Variants in PDZD2 observed in about 807,000 individuals in gnomAD.
The protein encoded by PDZD2 is PDZ domain-containing protein 2.
In PDZD2, 90 loss-of-function variants were observed where a neutral mutation model predicts 220.7. That is an observed-to-expected ratio of 0.41 (90% CI 0.34 to 0.49). The LOEUF (loss-of-function observed/expected upper bound fraction) is 0.49, where lower values mean the gene tolerates loss of function less well. Ranked by LOEUF, PDZD2 falls within the 20% of genes least tolerant of loss-of-function variation. The pLI is 0.28. For missense variants in PDZD2, 3,174 were observed against 3,608.5 expected, an observed-to-expected ratio of 0.88 and a Z score of 3.08; for synonymous variants, 1,375 against 1,450.5, an observed-to-expected ratio of 0.95 and a Z score of 1.18.
intron 6 of PDZD2, among the ~76,000 whole-genome samples, chr5:32,014,241 CT>C (rs1012588971): frequency 7.9e-5 from 12 of 152,156 alleles, no homozygotes; most frequent in Non-Finnish European, 1.6e-4. Flanking sequence ...GTTTTTGCAC[CT>C]GTATGTCGTC....
chr5:31,801,611 C>T (rs1754391364), intron 2 of PDZD2, among the ~76,000 whole-genome samples: 1 of 152,154 alleles, frequency 6.6e-6, no homozygotes, highest in Non-Finnish European at 1.5e-5. Flanking sequence ...GTCAGGAGCT[C>T]CAGCTCCAGA....
chr5:31,856,881 T>G (rs150982010), intron 2 of PDZD2, among the ~76,000 whole-genome samples: 1 of 149,572 alleles, frequency 6.7e-6, no homozygotes, highest in East Asian at 2.0e-4. Context: ...ATCAGACTTA[T>G]AGCGTGAGCT....
Position 31,816,557 on chromosome 5 carries a change from C to CTT in PDZD2, c.476+16841_476+16842dup, listed in dbSNP as rs976134625. Among the ~76,000 whole-genome samples the CTT allele has an allele frequency of 1.7e-4, 25 of 151,090 alleles. 1 individual carries two copies. The highest frequency in any genetic ancestry group is 5.8e-4 in the African/African-American group (24 of 41,260). ...ATGTTTCCATAGTGATATGACTTTT[C>CTT]TTTTTTTTTACAAAAATGTTAACAT... On this transcript the variant is annotated intron_variant, in intron 2 of 24. Transcript: ENST00000438447.
chr5:32,072,008 C>G (rs981742906), intron 16 of PDZD2, among the ~76,000 whole-genome samples, 153 bp from the exon 17 acceptor site: 4 of 152,192 alleles, frequency 2.6e-5, no homozygotes, highest in African/African-American at 9.7e-5. Flanking sequence ...TTTAGCCGTT[C>G]TGAGGTACAT....
At chr5:31,714,352 T>A (rs1358559080) in intron 1 of PDZD2, among the ~76,000 whole-genome samples, 2 of 152,202 alleles carry the variant, frequency 1.3e-5, no homozygotes, top group African/African-American at 4.8e-5. Context: ...TCCGCTTGTG[T>A]CTCGGCTTCC....
intron 18 of PDZD2, among the ~76,000 whole-genome samples, chr5:32,076,684 T>G (rs1561520549): frequency 1.3e-5 from 2 of 152,192 alleles, no homozygotes; most frequent in Non-Finnish European, 2.9e-5. Context: ...CAATGGCACT[T>G]AGTACATTCA....
At chr5:31,928,556 A>G (rs1467273288) in intron 2 of PDZD2, among the ~76,000 whole-genome samples, 1 of 151,958 alleles carries the variant, frequency 6.6e-6, no homozygotes, top group African/African-American at 2.4e-5. Context: ...GCTCACTGCA[A>G]CCTCCGCCTC....
At position 32,101,094 on chromosome 5, in the gene PDZD2, T is replaced by C; in HGVS notation, c.8219-11T>C. 6.2e-7 allele frequency: 1 copy of C among 1,614,110 alleles called. No individual in the cohort carries two copies. The highest frequency in any genetic ancestry group is 1.1e-5 in the South Asian group (1 of 91,076). ...CTGTCATTTTCATCTTGGTGCACGC[T>C]GCGGCTGCAGGGAGAAGTGTGGCTG... On this transcript the variant is annotated splice_polypyrimidine_tract_variant and intron_variant, in intron 23 of 24. Transcript: ENST00000438447.
intron 1 of PDZD2, among the ~76,000 whole-genome samples, chr5:31,757,407 C>T (rs758631816): frequency 1.3e-5 from 2 of 152,166 alleles, no homozygotes; most frequent in African/African-American, 4.8e-5. Context: ...CTGGCTAACA[C>T]GGTGAAACCC....
At chr5:31,879,298 A>T (rs62361604) in intron 2 of PDZD2, among the ~76,000 whole-genome samples, 26,719 of 151,462 alleles carry the variant, frequency 0.18, 3,222 homozygotes, top group Non-Finnish European at 0.26. Flanking sequence ...GAGCCTGGAG[A>T]ATGGCGTGAA....
intron 2 of PDZD2, among the ~76,000 whole-genome samples, chr5:31,809,014 T>C (rs1754916064): frequency 6.6e-6 from 1 of 151,946 alleles, no homozygotes; most frequent in South Asian, 2.1e-4. Context: ...CTAATGAAAT[T>C]AGGATGGTTT....
intron 1 of PDZD2, among the ~76,000 whole-genome samples, chr5:31,752,205 A>G (rs1397862136): frequency 2.0e-5 from 3 of 150,412 alleles, no homozygotes; most frequent in Non-Finnish European, 3.0e-5. Context: ...CAACCTCCCA[A>G]GTAGCCAGGA....
intron 2 of PDZD2, among the ~76,000 whole-genome samples, chr5:31,895,539 A>G (rs1741466510): frequency 1.3e-5 from 2 of 152,210 alleles, no homozygotes; most frequent in South Asian, 4.1e-4. Flanking sequence ...ATTTTGTGAT[A>G]GCAGCCCAGA....
chr5:32,098,284 C>T lies in PDZD2; in HGVS notation c.7948-80C>T, dbSNP rs542745663. The T allele has an allele frequency of 2.0e-4, 268 of 1,346,718 alleles. 3 individuals carry two copies. The highest frequency in any genetic ancestry group is 2.6e-4 in the Non-Finnish European group (249 of 964,878). 83.4% of individuals were successfully genotyped at this position (1,346,718 alleles called of 1,614,324 possible). A position where few individuals can be genotyped will look rare whatever the true frequency, so the allele number is the denominator to read the frequency against. On this transcript the variant is annotated intron_variant, in intron 22 of 24. Transcript: ENST00000438447. This position sits in a 1 kb window ranked among gnomAD's most constrained non-coding sequence, Gnocchi z 4.1. The stretch of plus-strand genomic sequence containing the variant: ...AAGGAAGGTTCCTTTACTACAGATA[C>T]GCAGTTAGTTACTATCTCCCTTTTA...
At chr5:31,701,522 G>A (rs1218773795) in intron 1 of PDZD2, among the ~76,000 whole-genome samples, 2 of 152,248 alleles carry the variant, frequency 1.3e-5, no homozygotes, top group East Asian at 3.9e-4. Context: ...CCTATTCAAT[G>A]GGAGACGTCT....
chr5:32,027,984 A>C (rs1754807468), intron 6 of PDZD2, among the ~76,000 whole-genome samples: 1 of 152,104 alleles, frequency 6.6e-6, no homozygotes, highest in Non-Finnish European at 1.5e-5. Flanking sequence ...CCGGGGAATG[A>C]GCCAACAGAG....
chr5:32,107,008 C>T (rs767987676), intron 24 of PDZD2, among the ~76,000 whole-genome samples: 5 of 152,156 alleles, frequency 3.3e-5, no homozygotes, highest in Admixed American at 6.5e-5. Flanking sequence ...ATTTCAATAA[C>T]GACTTTCAGT....
At chr5:31,796,439 T>G (rs1754030193) in intron 1 of PDZD2, among the ~76,000 whole-genome samples, 2 of 152,168 alleles carry the variant, frequency 1.3e-5, no homozygotes, top group African/African-American at 2.4e-5. Context: ...ATGACTTTCT[T>G]TGCTACTCAA....
At chr5:31,888,097 A>G (rs1740683194) in intron 2 of PDZD2, among the ~76,000 whole-genome samples, 1 of 152,148 alleles carries the variant, frequency 6.6e-6, no homozygotes, top group Admixed American at 6.6e-5. Flanking sequence ...TATTGCCCAT[A>G]GAAGCTTTGC....
Sources: allele counts gnomAD v4.1 joint callset (sites outside exome capture counted in the v4.1 genomes callset), GRCh38; gene constraint gnomAD v4.1.1; non-coding constraint Gnocchi (gnomAD v3.1); transcripts MANE v1.5; gene names NCBI Gene and HGNC (gene_info 2026-07-23, HGNC 2026-07-21).